SUPT3H: variants seen among roughly 807,000 people sequenced by gnomAD.
The protein encoded by SUPT3H is SPT3 homolog, SAGA and STAGA complex component, also known as transcription initiation protein SPT3 homolog.
A neutral mutation model predicts 44.3 loss-of-function variants in SUPT3H; 44 were observed. That is an observed-to-expected ratio of 0.99 (90% CI 0.78 to 1.28). The LOEUF is 1.28. Ranked by LOEUF, SUPT3H falls within the 50% of genes most tolerant of loss-of-function variation. The probability of loss-of-function intolerance (pLI) is 0.00; values close to 1 mark genes in which losing one functional copy is unlikely to be tolerated. For missense variants in SUPT3H, 380 were observed against 387.1 expected, an observed-to-expected ratio of 0.98 and a Z score of 0.15; for synonymous variants, 124 against 125.6, an observed-to-expected ratio of 0.99 and a Z score of 0.09.
At chr6:45,008,470 T>A (rs1240232088) in intron 5 of SUPT3H, among the ~76,000 whole-genome samples, 1 of 152,120 alleles carries the variant, frequency 6.6e-6, no homozygotes, top group African/African-American at 2.4e-5. Flanking sequence ...TCTTCCCACC[T>A]CAGCCTCCTG....
At chr6:45,107,194 A>C (rs1799403621) in intron 2 of SUPT3H, among the ~76,000 whole-genome samples, 1 of 152,212 alleles carries the variant, frequency 6.6e-6, no homozygotes, top group Non-Finnish European at 1.5e-5. Flanking sequence ...GTATGCTTTA[A>C]CCAGCAGTAG....
chr6:45,174,733 CTA>C lies in SUPT3H; in HGVS notation c.102-68729_102-68728del, dbSNP rs61709487. Among the ~76,000 whole-genome samples the C allele has an allele frequency of 7.2e-3, 1,089 of 152,026 alleles. 17 individuals are homozygous for C. Among genetic ancestry groups the C allele is most frequent in the African/African-American group, 0.025 (1,037 of 41,394 alleles). ...ATCTCATCTTCCTGATGTTCTGAAA[CTA>C]AATTATATTCTCCAAAAGTTTTGCA... On this transcript the variant is annotated intron_variant, in intron 2 of 10. Transcript: ENST00000371459.
intron 7 of SUPT3H, among the ~76,000 whole-genome samples, chr6:44,958,866 T>C (rs1412783743): frequency 2.2e-5 from 3 of 135,140 alleles, no homozygotes; most frequent in Non-Finnish European, 3.1e-5. Flanking sequence ...TAAGTACTTA[T>C]CAATGGTTTT....
chr6:44,937,714 C>T (rs1295774445), intron 9 of SUPT3H, among the ~76,000 whole-genome samples: 2 of 151,834 alleles, frequency 1.3e-5, no homozygotes, highest in South Asian at 4.1e-4. Context: ...TGTTGGCCAT[C>T]GGTATGTCTT....
In SUPT3H at chr6:45,247,056, C is replaced by T. The variant is rs141664354; in HGVS notation, c.101+118145G>A. On this transcript the variant is annotated intron_variant, in intron 2 of 10. Coordinates refer to ENST00000371459, the MANE Select transcript of SUPT3H (RefSeq NM_003599.4). ...TTGATAATTTTCCAGCCAGTCCAAG[C>T]ACAAAGTACAAGAAGAGCTATCCCA... Among the ~76,000 whole-genome samples, 11 of 152,066 alleles carry T rather than the reference C, an allele frequency of 7.2e-5. No homozygotes were observed. In the East Asian group the frequency reaches 2.1e-3, roughly 29 times the overall value.
At chr6:45,049,670 G>A (rs1789968707) in intron 3 of SUPT3H, among the ~76,000 whole-genome samples, 1 of 152,056 alleles carries the variant, frequency 6.6e-6, no homozygotes, top group Non-Finnish European at 1.5e-5. Context: ...GTATACACAA[G>A]TAGCTTCATT....
At chr6:44,830,962 A>T (rs1038456331) in intron 10 of SUPT3H, among the ~76,000 whole-genome samples, 1 of 151,936 alleles carries the variant, frequency 6.6e-6, no homozygotes, top group Non-Finnish European at 1.5e-5. Context: ...TTCATCTTAA[A>T]AAATAATTAA....
chr6:45,302,854 A>T (rs1287623143), intron 2 of SUPT3H, among the ~76,000 whole-genome samples: 1 of 152,028 alleles, frequency 6.6e-6, no homozygotes, highest in African/African-American at 2.4e-5. Context: ...CCATCTATTA[A>T]TTTTTTATTT....
At chr6:45,099,594 T>C (rs1037838008) in intron 3 of SUPT3H, among the ~76,000 whole-genome samples, 2 of 152,184 alleles carry the variant, frequency 1.3e-5, no homozygotes, top group East Asian at 1.9e-4. Context: ...ATCAGTATTA[T>C]CACTTACCAT....
chr6:44,849,899 C>T (rs1772592859), intron 10 of SUPT3H, among the ~76,000 whole-genome samples: 1 of 152,136 alleles, frequency 6.6e-6, no homozygotes, highest in African/African-American at 2.4e-5. Flanking sequence ...ATACTGTTGG[C>T]AATGTATTTA....
intron 9 of SUPT3H, among the ~76,000 whole-genome samples, chr6:44,945,063 CT>C (rs1255172803): frequency 1.3e-5 from 2 of 151,826 alleles, no homozygotes; most frequent in Non-Finnish European, 2.9e-5. Flanking sequence ...TATTTTGGTA[CT>C]TTTCACAGTA....
intron 6 of SUPT3H, among the ~76,000 whole-genome samples, chr6:44,967,930 C>T (rs1225475694): frequency 2.0e-5 from 3 of 152,076 alleles, no homozygotes; most frequent in Non-Finnish European, 2.9e-5. Flanking sequence ...GCTGGGACTA[C>T]AGGTGTGTGC....
At chr6:45,062,610 T>C (rs59240272) in intron 3 of SUPT3H, among the ~76,000 whole-genome samples, 1,709 of 152,212 alleles carry the variant, frequency 0.011, 70 homozygotes, top group East Asian at 0.082. Flanking sequence ...GCGCGCACCA[T>C]GCGCAAGCCG....
At chr6:45,187,941 C>A (rs1236889639) in intron 2 of SUPT3H, among the ~76,000 whole-genome samples, 1 of 152,124 alleles carries the variant, frequency 6.6e-6, no homozygotes, top group Non-Finnish European at 1.5e-5. Context: ...ATGGAAAATT[C>A]AAGAAATAAA....
At chr6:44,860,749 T>G (rs1348559124) in intron 10 of SUPT3H, among the ~76,000 whole-genome samples, 1 of 152,166 alleles carries the variant, frequency 6.6e-6, no homozygotes, top group African/African-American at 2.4e-5. Context: ...TTCTAGCCAC[T>G]AACATAAAAA....
In SUPT3H at chr6:45,162,814, A is replaced by T. The variant is rs535267603; in HGVS notation, c.102-56808T>A. On this transcript the variant is annotated intron_variant, in intron 2 of 10. Transcript: ENST00000371459. ...AATTATTTTCATGATAAGAATAATG[A>T]ACTGTCTATAATCAATGAAGATCAA... is the stretch of plus-strand genomic sequence containing the variant. 2.6e-5 allele frequency among the ~76,000 whole-genome samples: 4 copies of T among 152,304 alleles called. No homozygotes were observed. The East Asian group carries it at 7.7e-4, about 29-fold the overall frequency.
intron 3 of SUPT3H, among the ~76,000 whole-genome samples, chr6:45,099,565 C>A (rs554332356): frequency 2.0e-5 from 3 of 152,030 alleles, no homozygotes; most frequent in South Asian, 2.1e-4. Context: ...CTTCTTAAAA[C>A]CCTCATCTCA....
At chr6:45,246,923 A>G (rs998835702) in intron 2 of SUPT3H, among the ~76,000 whole-genome samples, 2 of 152,226 alleles carry the variant, frequency 1.3e-5, no homozygotes, top group South Asian at 2.1e-4. Context: ...TTAAGAAACT[A>G]AAAAGATAAG....
chr6:44,841,300 G>A (rs921768214), intron 10 of SUPT3H, among the ~76,000 whole-genome samples: 5 of 152,166 alleles, frequency 3.3e-5, no homozygotes, highest in African/African-American at 1.2e-4. Flanking sequence ...ACATTTAGAT[G>A]CTCAATAGGT....
Sources: allele counts gnomAD v4.1 joint callset (sites outside exome capture counted in the v4.1 genomes callset), GRCh38; gene constraint gnomAD v4.1.1; transcripts MANE v1.5; gene names NCBI Gene and HGNC (gene_info 2026-07-23, HGNC 2026-07-21).